The following ATP11B variants were observed in gnomAD, a reference collection of about 807,000 sequenced individuals.
ATP11B encodes the protein phospholipid-transporting ATPase IF.
ATP11B carries 81 observed loss-of-function variants against 157.8 expected under a neutral mutation model. The ratio of observed to expected loss-of-function variants is 0.51; its 90% CI spans 0.43 to 0.62. The LOEUF (loss-of-function observed/expected upper bound fraction) is 0.62, where lower values mean the gene tolerates loss of function less well. Ranked by LOEUF, ATP11B falls within the 20% of genes least tolerant of loss-of-function variation. ATP11B has a pLI of 0.00. For missense variants in ATP11B, 1,165 were observed against 1,402.2 expected (o/e 0.83, Z 2.70); for synonymous variants, 451 against 469.4 (o/e 0.96, Z 0.51).
intron 18 of ATP11B, among the ~76,000 whole-genome samples, chr3:182,873,119 A>G (rs1405441729): frequency 6.6e-6 from 1 of 152,142 alleles, no homozygotes; most frequent in Non-Finnish European, 1.5e-5. Context: ...GCACTATATT[A>G]TAATTATTTG....
intron 12 of ATP11B, 81 bp downstream of exon 12, chr3:182,859,440 G>A (rs1720665868): frequency 3.2e-6 from 4 of 1,264,812 alleles, no homozygotes; most frequent in African/African-American, 1.5e-5. Flanking sequence ...AATGTAACAA[G>A]GTATTATGAT....
At chr3:182,859,621 C>T (rs555087492) in intron 12 of ATP11B, among the ~76,000 whole-genome samples, 1 of 152,276 alleles carries the variant, frequency 6.6e-6, no homozygotes, top group Admixed American at 6.5e-5. Flanking sequence ...TCTTACACTA[C>T]TCTTCCCAGA....
intron 2 of ATP11B, among the ~76,000 whole-genome samples, chr3:182,821,835 A>C (rs1378318131): frequency 1.3e-5 from 2 of 152,242 alleles, no homozygotes; most frequent in East Asian, 3.8e-4. Context: ...ATTGCCTGAA[A>C]GGGCACCTTA....
chr3:182,886,129 A>C, intron 23 of ATP11B, 119 bp downstream of exon 23: 1 of 543,220 alleles, frequency 1.8e-6, no homozygotes, highest in Non-Finnish European at 3.1e-6. Flanking sequence ...GCAGGGAACC[A>C]GACAGAACTT....
intron 25 of ATP11B, among the ~76,000 whole-genome samples, chr3:182,892,094 T>A (rs1011366279): frequency 6.6e-6 from 1 of 152,200 alleles, no homozygotes; most frequent in Non-Finnish European, 1.5e-5. Context: ...AACTCTCTCT[T>A]AACTGTGAAA....
intron 2 of ATP11B, among the ~76,000 whole-genome samples, chr3:182,826,369 T>C (rs1717722987): frequency 6.6e-6 from 1 of 152,222 alleles, no homozygotes; most frequent in African/African-American, 2.4e-5. Context: ...ATACAAAATA[T>C]ATTGTTGCTG....
intron 14 of ATP11B, 91 bp from the exon 15 acceptor site, chr3:182,867,285 A>T: frequency 1.2e-6 from 1 of 806,116 alleles, no homozygotes; most frequent in Non-Finnish European, 2.0e-6. Context: ...CTTTGATTTT[A>T]AATGTTTTTA....
intron 1 of ATP11B, among the ~76,000 whole-genome samples, chr3:182,806,342 T>C (rs943584971): frequency 1.3e-5 from 2 of 152,226 alleles, no homozygotes; most frequent in African/African-American, 4.8e-5. Context: ...ATCATGTTTT[T>C]TCATATTGTT....
chr3:182,887,609 G>A lies in ATP11B; in HGVS notation c.2739G>A (p.Leu913=), dbSNP rs1722883115. 1 of 1,611,770 alleles carries A rather than the reference G, an allele frequency of 6.2e-7. No individual in the cohort carries two copies. The highest frequency in any genetic ancestry group is 1.7e-5 in the Admixed American group (1 of 59,638). Residue 913 remains leucine, a synonymous_variant, in exon 24 of 30, where the codon CTG becomes CTA. Coordinates refer to ENST00000323116, the MANE Select transcript of ATP11B (RefSeq NM_014616.3). The part of the protein sequence containing the change: ...SQQTLYDSVY[L]TLYNICFTSL... Reference sequence around the variant, plus strand: ...AGACATTGTATGACAGCGTGTACCTGACTTTATACAATATTTGTTTTACTT... The same window carrying A: ...AGACATTGTATGACAGCGTGTACCTAACTTTATACAATATTTGTTTTACTT...
chr3:182,885,863 G>T, intron 22 of ATP11B, 88 bp from the exon 23 acceptor site: 1 of 841,188 alleles, frequency 1.2e-6, no homozygotes, highest in Non-Finnish European at 1.8e-6. Context: ...ATTGTTTTTG[G>T]ACACTTTAAC....
chr3:182,819,222 C>G (rs1223099042), intron 1 of ATP11B, among the ~76,000 whole-genome samples: 1 of 151,816 alleles, frequency 6.6e-6, no homozygotes, highest in Non-Finnish European at 1.5e-5. Context: ...GCGCCCGCCA[C>G]CACGCCCGGC....
intron 1 of ATP11B, among the ~76,000 whole-genome samples, chr3:182,808,307 T>C (rs1428105202): frequency 6.6e-6 from 1 of 152,172 alleles, no homozygotes; most frequent in Non-Finnish European, 1.5e-5. Context: ...CTGTTGAAGT[T>C]CCAGTGTTGT....
At chr3:182,858,589 C>T (rs1720602086) in intron 11 of ATP11B, among the ~76,000 whole-genome samples, 1 of 152,180 alleles carries the variant, frequency 6.6e-6, no homozygotes, top group Non-Finnish European at 1.5e-5. Flanking sequence ...AACTACAAAG[C>T]AAATAATCAC....
intron 25 of ATP11B, among the ~76,000 whole-genome samples, chr3:182,895,495 T>A (rs958611832): frequency 1.3e-5 from 2 of 152,082 alleles, no homozygotes; most frequent in African/African-American, 4.8e-5. Flanking sequence ...TATAGAGAGG[T>A]TAAGTAATTT....
At chr3:182,863,440 C>T (rs1721002759) in intron 12 of ATP11B, among the ~76,000 whole-genome samples, 1 of 151,980 alleles carries the variant, frequency 6.6e-6, no homozygotes, top group Non-Finnish European at 1.5e-5. Flanking sequence ...TATGCATACT[C>T]ATGTCTGCTT....
chr3:182,824,606 C>T (rs2108501748), intron 2 of ATP11B, among the ~76,000 whole-genome samples: 2 of 152,242 alleles, frequency 1.3e-5, no homozygotes, highest in Middle Eastern at 6.8e-3. Flanking sequence ...TCCTAGAAAG[C>T]TTTTGGGATT....
chr3:182,823,497 A>G (rs1017054384), intron 2 of ATP11B, among the ~76,000 whole-genome samples: 1 of 152,062 alleles, frequency 6.6e-6, no homozygotes, highest in Non-Finnish European at 1.5e-5. Context: ...TACCAGTACC[A>G]TGCTGTTTTG....
intron 7 of ATP11B, among the ~76,000 whole-genome samples, chr3:182,840,873 C>T (rs1053289234): frequency 6.6e-6 from 1 of 152,150 alleles, no homozygotes; most frequent in African/African-American, 2.4e-5. Context: ...CATAGTGTTC[C>T]TTTTTAAATG....
chr3:182,835,222 C>G (rs1198363650), intron 4 of ATP11B, among the ~76,000 whole-genome samples: 1 of 152,006 alleles, frequency 6.6e-6, no homozygotes, highest in Non-Finnish European at 1.5e-5. Context: ...ATGAGTGGAC[C>G]TGTGCAGTAC....
Sources: allele counts gnomAD v4.1 joint callset (sites outside exome capture counted in the v4.1 genomes callset), GRCh38; gene constraint gnomAD v4.1.1; transcripts MANE v1.5; gene names NCBI Gene and HGNC (gene_info 2026-07-23, HGNC 2026-07-21).